Variants in ZNF503 observed in about 807,000 individuals in gnomAD.
ZNF503 encodes NocA-like zinc finger 2.
ZNF503 carries 15 observed loss-of-function variants against 34.4 expected under a neutral mutation model. The observed-to-expected ratio is 0.44, with a 90% CI of 0.29 to 0.67. The LOEUF is 0.67. Ranked by LOEUF, ZNF503 falls within the 30% of genes least tolerant of loss-of-function variation. The pLI is 0.13. For synonymous variants in ZNF503, 580 were observed against 456.8 expected (o/e 1.27, Z -3.44); for missense variants, 1,007 against 926.8 (o/e 1.09, Z -1.12).
chr10:75,329,374 C>T, the ZNF503 span, among the ~76,000 whole-genome samples: 1 of 128,012 alleles, frequency 7.8e-6, no homozygotes. Flanking sequence ...AAAACAGCTT[C>T]TTTCTTTCTT....
At chr10:75,282,954 C>T in the ZNF503 span, among the ~76,000 whole-genome samples, 1 of 152,234 alleles carries the variant, frequency 6.6e-6, no homozygotes, top group Admixed American at 6.5e-5. Context: ...GTCAGGTTGC[C>T]TACATGTTCA....
chr10:75,290,072 A>G, the ZNF503 span, among the ~76,000 whole-genome samples: 2 of 152,124 alleles, frequency 1.3e-5, no homozygotes, highest in Admixed American at 6.5e-5. Context: ...TACTTTAGGT[A>G]CCACCTGGAA....
chr10:75,356,655 T>A, the ZNF503 span, among the ~76,000 whole-genome samples: 13 of 152,222 alleles, frequency 8.5e-5, no homozygotes, highest in Admixed American at 8.5e-4. Context: ...GTCTACCGTG[T>A]GCCAGCTGCT....
the ZNF503 span, among the ~76,000 whole-genome samples, chr10:75,374,682 G>C: frequency 6.6e-6 from 1 of 152,220 alleles, no homozygotes; most frequent in Non-Finnish European, 1.5e-5. Flanking sequence ...TTCACTGCTT[G>C]TCTTTCTCCA....
chr10:75,325,329 ATTT>A, the ZNF503 span, among the ~76,000 whole-genome samples: 3,659 of 93,978 alleles, frequency 0.039, 177 homozygotes, highest in African/African-American at 0.13. Context: ...ATATATATAT[ATTT>A]TTTTTTTTTT....
the ZNF503 span, among the ~76,000 whole-genome samples, chr10:75,359,376 G>T: frequency 2.0e-5 from 3 of 152,244 alleles, no homozygotes; most frequent in Admixed American, 1.3e-4. Flanking sequence ...AGGGAAGAGG[G>T]TTAGGTGGCT....
the ZNF503 span, among the ~76,000 whole-genome samples, chr10:75,311,894 C>CGTGG: frequency 1.3e-5 from 2 of 152,090 alleles, no homozygotes; most frequent in East Asian, 1.9e-4. Flanking sequence ...TGCACCACCA[C>CGTGG]ACCCAGCTAA....
the ZNF503 span, among the ~76,000 whole-genome samples, chr10:75,336,796 C>T: frequency 6.6e-6 from 1 of 152,294 alleles, no homozygotes; most frequent in African/African-American, 2.4e-5. Context: ...AGGTCCCCAT[C>T]TTCTTGCTGG....
At chr10:75,294,059 A>G in the ZNF503 span, among the ~76,000 whole-genome samples, 1 of 152,178 alleles carries the variant, frequency 6.6e-6, no homozygotes, top group African/African-American at 2.4e-5. Context: ...ATCCTAAAAA[A>G]CACAGCCCAA....
the ZNF503 span, among the ~76,000 whole-genome samples, chr10:75,286,104 G>A: frequency 1.3e-5 from 2 of 152,040 alleles, no homozygotes; most frequent in African/African-American, 4.8e-5. Flanking sequence ...CCAACATGGT[G>A]AAACCCCGTC....
the ZNF503 span, among the ~76,000 whole-genome samples, chr10:75,369,492 A>G: frequency 4.7e-4 from 72 of 152,244 alleles, no homozygotes; most frequent in South Asian, 0.015. Flanking sequence ...TCCTGCCATT[A>G]TGTGAAGAAG....
the ZNF503 span, among the ~76,000 whole-genome samples, chr10:75,282,856 A>G: frequency 6.6e-6 from 1 of 152,200 alleles, no homozygotes; most frequent in East Asian, 1.9e-4. Context: ...GAGCTAATCA[A>G]TGGAAATCAC....
At chr10:75,382,996 C>T in the ZNF503 span, among the ~76,000 whole-genome samples, 1 of 152,170 alleles carries the variant, frequency 6.6e-6, no homozygotes, top group Non-Finnish European at 1.5e-5. Context: ...AGCCTGCATC[C>T]TTCTTACTGA....
the ZNF503 span, among the ~76,000 whole-genome samples, chr10:75,352,427 G>A: frequency 2.6e-4 from 40 of 152,266 alleles, no homozygotes; most frequent in African/African-American, 9.1e-4. Context: ...GAAGCACCTC[G>A]CCTGATGAGG....
the ZNF503 span, chr10:75,360,698 C>T: frequency 0.15 from 22,266 of 152,184 alleles, 1,791 homozygotes; most frequent in Middle Eastern, 0.24. Flanking sequence ...CAGGTCAAAC[C>T]GGAGAAGAAC....
chr10:75,376,892 C>T, the ZNF503 span, among the ~76,000 whole-genome samples: 9 of 152,124 alleles, frequency 5.9e-5, no homozygotes, highest in Non-Finnish European at 1.2e-4. Flanking sequence ...ATGGGGGAAC[C>T]GCCCCATGAT....
the ZNF503 span, among the ~76,000 whole-genome samples, chr10:75,381,376 C>A: frequency 1.3e-5 from 2 of 152,166 alleles, no homozygotes; most frequent in Admixed American, 6.5e-5. Flanking sequence ...GCACACGCCA[C>A]CATGCCTGGC....
At chr10:75,388,936 A>C in the ZNF503 span, among the ~76,000 whole-genome samples, 1 of 152,220 alleles carries the variant, frequency 6.6e-6, no homozygotes, top group South Asian at 2.1e-4. Flanking sequence ...TAAGTTTCCC[A>C]CATTAAGCAT....
At chr10:75,382,457 G>T in the ZNF503 span, 1 of 544,388 alleles carries the variant, frequency 1.8e-6, no homozygotes, top group Non-Finnish European at 3.3e-6. Flanking sequence ...CTCCTCTCTG[G>T]CTGTGTGTCC....
Sources: allele counts gnomAD v4.1 joint callset (sites outside exome capture counted in the v4.1 genomes callset), GRCh38; gene constraint gnomAD v4.1.1; transcripts MANE v1.5; gene names NCBI Gene and HGNC (gene_info 2026-07-23, HGNC 2026-07-21).